The following CETP variants were observed in gnomAD, a reference collection of about 807,000 sequenced individuals.
CETP encodes the protein cholesteryl ester transfer protein, also known as BPI fold containing family F.
CETP carries 56 observed loss-of-function variants against 66.5 expected under a neutral mutation model. That is an observed-to-expected ratio of 0.84 (90% CI 0.68 to 1.05). The LOEUF (loss-of-function observed/expected upper bound fraction) is 1.05, where lower values mean the gene tolerates loss of function less well. Ranked by LOEUF, CETP falls within the 50% of genes least tolerant of loss-of-function variation. CETP has a pLI of 0.00. For missense variants in CETP, 612 were observed against 609.6 expected, an observed-to-expected ratio of 1.00 and a Z score of -0.04; for synonymous variants, 251 against 245.7, an observed-to-expected ratio of 1.02 and a Z score of -0.20.
chr16:56,968,639 G>T (rs1389054682), intron 2 of CETP, among the ~76,000 whole-genome samples: 1 of 150,984 alleles, frequency 6.6e-6, no homozygotes, highest in Non-Finnish European at 1.5e-5. Context: ...ACAATTGTTC[G>T]TAGTATTCTC....
At chr16:56,977,300 TCTC>T (rs1363362295) in intron 10 of CETP, among the ~76,000 whole-genome samples, 1 of 152,124 alleles carries the variant, frequency 6.6e-6, no homozygotes, top group Non-Finnish European at 1.5e-5. Flanking sequence ...GGGCATGTGA[TCTC>T]CTTGAGCCCA....
At chr16:56,977,960 T>A (rs1220221854) in intron 10 of CETP, 131 bp from the exon 11 acceptor site, 1 of 1,039,008 alleles carries the variant, frequency 9.6e-7, no homozygotes, top group Non-Finnish European at 1.4e-6. Context: ...GCCTGGGCAC[T>A]ACCCCGAGCT....
Position 56,981,216 on chromosome 16 carries a change from T to A in CETP, c.1205T>A (p.Leu402Ter). ...YSKKKLFLSL[L>*]DFQITPKTVS... ...AAGAAAAAGCTCTTCTTAAGCCTCTTGGATTTCCAGTATGTGCTGCAGAGA... is the reference window on the plus strand; with the variant it reads ...AAGAAAAAGCTCTTCTTAAGCCTCTAGGATTTCCAGTATGTGCTGCAGAGA... Residue 402 changes from leucine to a stop codon, truncating the protein, a stop_gained, in exon 12 of 16, where the codon TTG (leucine) becomes TAG (stop). Transcript: ENST00000200676. LOFTEE classifies it high-confidence loss of function. The A allele has an allele frequency of 6.2e-7, 1 of 1,612,288 alleles. No individual in the cohort carries two copies. Among genetic ancestry groups the A allele is most frequent in the South Asian group, 1.1e-5 (1 of 91,050 alleles).
At chr16:56,966,525 G>A (rs1236755261) in intron 2 of CETP, among the ~76,000 whole-genome samples, 1 of 152,140 alleles carries the variant, frequency 6.6e-6, no homozygotes, top group Non-Finnish European at 1.5e-5. Flanking sequence ...ACCCTGTGCT[G>A]TTCTCTTCCT....
Position 56,971,384 on chromosome 16 carries a change from G to A in CETP, c.658+3G>A, listed in dbSNP as rs751277957. On this transcript the variant is annotated splice_donor_region_variant and intron_variant, in intron 7 of 15. Transcript: ENST00000200676. ...CGATTTTGTCCAGACAAGGGCTGGT[G>A]AGTGCGTTTCTGTCTGCATGCCTCA... 3 of 1,613,824 alleles carry A rather than the reference G, an allele frequency of 1.9e-6. No individual in the cohort carries two copies. Among genetic ancestry groups the A allele is most frequent in the Non-Finnish European group, 2.5e-6 (3 of 1,179,894 alleles).
At chr16:56,963,391 T>C (rs2056039978) in intron 2 of CETP, among the ~76,000 whole-genome samples, 1 of 152,142 alleles carries the variant, frequency 6.6e-6, no homozygotes, top group South Asian at 2.1e-4. Flanking sequence ...CCTGGGAAGA[T>C]GGAGGTCTTA....
intron 9 of CETP, among the ~76,000 whole-genome samples, chr16:56,973,925 C>T (rs751233986): frequency 1.3e-5 from 2 of 152,170 alleles, no homozygotes; most frequent in South Asian, 2.1e-4. Flanking sequence ...GGGCTGCATG[C>T]ACCGGTAATC....
At chr16:56,968,754 G>A (rs192306644) in intron 2 of CETP, among the ~76,000 whole-genome samples, 291 of 144,760 alleles carry the variant, frequency 2.0e-3, no homozygotes, top group African/African-American at 7.3e-3. Context: ...TGCCAGTCTA[G>A]CTAAAGGTTT....
In CETP at chr16:56,983,406, C is replaced by G; in HGVS notation, c.1402C>G (p.Arg468Gly). The G allele has an allele frequency of 6.2e-7, 1 of 1,614,140 alleles. No individual in the cohort carries two copies. Among genetic ancestry groups the G allele is most frequent in the South Asian group, 1.1e-5 (1 of 91,082 alleles). ...FDIINPEIIT[R>G]DGFLLLQMDF... ...CATCATCAACCCTGAGATTATCACT[C>G]GAGATGTGAGTACAAAGCCCCCCTC... Residue 468 changes from arginine to glycine, a missense_variant, in exon 15 of 16, where the codon CGA becomes GGA. Coordinates refer to ENST00000200676, the MANE Select transcript of CETP (RefSeq NM_000078.3).
intron 8 of CETP, 79 bp from the exon 9 acceptor site, chr16:56,973,252 C>T (rs1279578183): frequency 4.8e-6 from 7 of 1,452,672 alleles, no homozygotes; most frequent in Non-Finnish European, 5.8e-6. Context: ...AATGCTGGGG[C>T]TCCTCCCAAT....
intron 8 of CETP, 119 bp downstream of exon 8, chr16:56,972,202 G>T: frequency 1.4e-6 from 1 of 738,548 alleles, no homozygotes; most frequent in Non-Finnish European, 2.3e-6. Flanking sequence ...GTCCTGGGGC[G>T]CTCCTCCTCA....
rs758294261 is a variant in CETP, at chr16:56,969,510, A to G, written c.358A>G (p.Thr120Ala). Residue 120 changes from threonine (T) to alanine (A), a missense_variant, in exon 3 of 16, where the codon ACT becomes GCT. Transcript: ENST00000200676. ...GGGGACCCTGAAGTATGGCTACACC[A>G]CTGCCTGGTGGTAAGCATTCCTGTC... is the stretch of plus-strand genomic sequence containing the variant. ...FKGTLKYGYT[T>A]AWWLGIDQSI... is the part of the protein sequence containing the mutation. 14 of 1,614,062 alleles carry G rather than the reference A, an allele frequency of 8.7e-6. No individual in the cohort carries two copies. The African/African-American group carries it at 1.6e-4, about 18-fold the overall frequency.
rs754885066 is a variant in CETP at position 56,972,088 on chromosome 16, G to T, written c.750+5G>T. The T allele has an allele frequency of 3.7e-6, 6 of 1,611,174 alleles. No homozygotes were observed. Among genetic ancestry groups the T allele is most frequent in the Non-Finnish European group, 5.1e-6 (6 of 1,177,364 alleles). On this transcript the variant is annotated splice_donor_5th_base_variant and intron_variant, in intron 8 of 15. Coordinates refer to ENST00000200676, the MANE Select transcript of CETP (RefSeq NM_000078.3). ...TACCTGGAGTCCCATCACAAGGTAG[G>T]AGTTGTGGGAGGGTGGGGCAGGGCC...
At chr16:56,980,051 C>T (rs2056176987) in intron 11 of CETP, among the ~76,000 whole-genome samples, 1 of 152,168 alleles carries the variant, frequency 6.6e-6, no homozygotes, top group African/African-American at 2.4e-5. Flanking sequence ...ATCCCCCACC[C>T]ACTTCCCGCT....
chr16:56,971,006 G>C (rs1159865620), intron 5 of CETP, 27 bp from the exon 6 acceptor site: 1 of 1,612,228 alleles, frequency 6.2e-7, no homozygotes. Context: ...CTGGTCAGGG[G>C]CTCATTGTGG....
chr16:56,972,644 A>G (rs1175021580), intron 8 of CETP, among the ~76,000 whole-genome samples: 1 of 152,166 alleles, frequency 6.6e-6, no homozygotes, highest in Non-Finnish European at 1.5e-5. Flanking sequence ...CCTGACCACC[A>G]CACCCACTCT....
At position 56,974,017 on chromosome 16, in the gene CETP, G is replaced by A. The variant is rs368982783; in HGVS notation, c.930+507G>A. Among the ~76,000 whole-genome samples, 39 of 152,326 alleles carry A rather than the reference G, an allele frequency of 2.6e-4. No homozygotes were observed. The East Asian group carries it at 5.0e-3, about 20-fold the overall frequency. Reference sequence around the variant, plus strand: ...AATCTATAGATAACATAACTGGTTAGGTCAGGGGTCCATCTTTAACTACCA... The same window carrying A: ...AATCTATAGATAACATAACTGGTTAAGTCAGGGGTCCATCTTTAACTACCA... On this transcript the variant is annotated intron_variant, in intron 9 of 15. Coordinates refer to ENST00000200676, the MANE Select transcript of CETP (RefSeq NM_000078.3).
At chr16:56,972,743 A>C (rs1376131428) in intron 8 of CETP, among the ~76,000 whole-genome samples, 1 of 152,226 alleles carries the variant, frequency 6.6e-6, no homozygotes, top group Non-Finnish European at 1.5e-5. Flanking sequence ...AAATATTGAG[A>C]CCAGCTAAAA....
At chr16:56,962,935 C>A in intron 1 of CETP, 75 bp from the exon 2 acceptor site, 1 of 1,348,614 alleles carries the variant, frequency 7.4e-7, no homozygotes, top group Non-Finnish European at 1.1e-6. Context: ...TGAGTCATGG[C>A]CAAGGCCAGT....
Sources: gnomAD v4.1 joint callset for allele counts (sites outside exome capture counted in the v4.1 genomes callset) on GRCh38, gnomAD v4.1.1 for gene constraint, MANE v1.5 for transcripts, NCBI Gene and HGNC (gene_info 2026-07-23, HGNC 2026-07-21) for gene names.